Variants in IFT81 observed in about 807,000 individuals in gnomAD.
The protein encoded by IFT81 is intraflagellar transport 81.
Under a neutral mutation model 102.6 loss-of-function variants are expected in IFT81, and 72 were observed. The ratio of observed to expected loss-of-function variants is 0.70; its 90% CI spans 0.58 to 0.85. The LOEUF (loss-of-function observed/expected upper bound fraction) is 0.85, where lower values mean the gene tolerates loss of function less well. Ranked by LOEUF, IFT81 falls within the 40% of genes least tolerant of loss-of-function variation. IFT81 has a pLI of 0.00. For synonymous variants in IFT81, 237 were observed against 242.7 expected, an observed-to-expected ratio of 0.98 and a Z score of 0.22; for missense variants, 723 against 787.3, an observed-to-expected ratio of 0.92 and a Z score of 0.98.
At chr12:110,207,549 C>T (rs2137594200) in intron 17 of IFT81, among the ~76,000 whole-genome samples, 1 of 148,692 alleles carries the variant, frequency 6.7e-6, no homozygotes, top group East Asian at 2.0e-4. Context: ...ACCCCTCGTC[C>T]TTCAGTCTTT....
intron 9 of IFT81, among the ~76,000 whole-genome samples, chr12:110,146,662 CTTAATG>C (rs1477209161): frequency 6.6e-6 from 1 of 152,106 alleles, no homozygotes; most frequent in Non-Finnish European, 1.5e-5. Context: ...CCATCAGAGA[CTTAATG>C]TTAAGAACTG....
intron 18 of IFT81, among the ~76,000 whole-genome samples, chr12:110,212,242 TAA>T (rs11286720): frequency 2.0e-3 from 275 of 139,702 alleles, no homozygotes; most frequent in African/African-American, 2.9e-3. Context: ...TTCCTTACTT[TAA>T]AAAAAAAAAA....
intron 1 of IFT81, among the ~76,000 whole-genome samples, chr12:110,125,246 C>T (rs1359745491): frequency 6.6e-6 from 1 of 152,004 alleles, no homozygotes; most frequent in Non-Finnish European, 1.5e-5. Context: ...AAAAAACTTA[C>T]GTAAAGGTTT....
intron 18 of IFT81, chr12:110,216,779 A>G (rs997349630): frequency 6.2e-5 from 22 of 356,888 alleles, no homozygotes; most frequent in Non-Finnish European, 1.0e-4. Context: ...GCCCACCTAT[A>G]TAGCATGAGT....
At chr12:110,166,063 C>CGTAA (rs1566135825) in intron 11 of IFT81, among the ~76,000 whole-genome samples, 1 of 152,130 alleles carries the variant, frequency 6.6e-6, no homozygotes, top group Non-Finnish European at 1.5e-5. Flanking sequence ...AGTTCCTTAC[C>CGTAA]CTCTTTATAC....
chr12:110,204,091 C>T lies in IFT81; in HGVS notation c.1644+141C>T, dbSNP rs143349970. On this transcript the variant is annotated intron_variant, in intron 15 of 18. Transcript: ENST00000242591. The stretch of plus-strand genomic sequence containing the variant: ...GCTACAGTGAGCTATGATCACACCA[C>T]TGCATTCTAGCCTGGGCCACAGAGC... The T allele has an allele frequency of 7.8e-3, 4,680 of 599,122 alleles. 20 individuals carry two copies. Among genetic ancestry groups the T allele is most frequent in the Non-Finnish European group, 9.4e-3 (3,149 of 336,100 alleles). 37.1% of individuals were successfully genotyped at this position (599,122 alleles called of 1,614,324 possible).
At chr12:110,173,069 G>T (rs1199394549) in intron 11 of IFT81, among the ~76,000 whole-genome samples, 29 of 147,298 alleles carry the variant, frequency 2.0e-4, no homozygotes, top group Non-Finnish European at 4.5e-5. Flanking sequence ...CTACTGGGAA[G>T]TGAGGAGCCC....
At chr12:110,173,116 G>A (rs1354279509) in intron 11 of IFT81, among the ~76,000 whole-genome samples, 1 of 141,358 alleles carries the variant, frequency 7.1e-6, no homozygotes, top group Non-Finnish European at 1.5e-5. Context: ...GGAGGGAGGT[G>A]GGGGGGTCAG....
chr12:110,218,627 T>C lies in IFT81; in HGVS notation c.*401T>C, dbSNP rs1870441325. On this transcript the variant is annotated 3_prime_UTR_variant, in exon 19 of 19. Coordinates refer to ENST00000242591, the MANE Select transcript of IFT81 (RefSeq NM_014055.4). ...TTTTAGGAACTAATATCTCTTGTTC[T>C]GAAGAAACATTTATCTGACGTTCAG... 6.5e-6 allele frequency: 1 copy of C among 153,704 alleles called. No homozygotes were observed. Among genetic ancestry groups the C allele is most frequent in the South Asian group, 2.1e-4 (1 of 4,850 alleles). 9.5% of individuals were successfully genotyped at this position (153,704 alleles called of 1,614,324 possible). A position where few individuals can be genotyped will look rare whatever the true frequency, so the allele number is the denominator to read the frequency against.
chr12:110,174,930 G>T (rs571565500), intron 11 of IFT81, among the ~76,000 whole-genome samples: 1 of 152,268 alleles, frequency 6.6e-6, no homozygotes, highest in African/African-American at 2.4e-5. Flanking sequence ...ATAAAGATTA[G>T]AGTTTCACAC....
At chr12:110,189,767 T>C (rs1488516394) in intron 12 of IFT81, among the ~76,000 whole-genome samples, 4 of 152,196 alleles carry the variant, frequency 2.6e-5, no homozygotes, top group African/African-American at 9.7e-5. Flanking sequence ...CTTAAACTAG[T>C]CTTCCCCATT....
At chr12:110,185,901 T>C (rs1158748631) in intron 12 of IFT81, among the ~76,000 whole-genome samples, 1 of 152,096 alleles carries the variant, frequency 6.6e-6, no homozygotes, top group Non-Finnish European at 1.5e-5. Flanking sequence ...TGCTGGGGCC[T>C]AGATAGATTT....
intron 15 of IFT81, 93 bp from the exon 16 acceptor site, chr12:110,205,350 G>C: frequency 1.5e-6 from 2 of 1,350,156 alleles, no homozygotes; most frequent in Middle Eastern, 4.9e-4. Flanking sequence ...AAATGACTCT[G>C]ATGGTAGTCC....
intron 11 of IFT81, chr12:110,171,834 C>T (rs370244622): frequency 5.9e-5 from 9 of 152,288 alleles, no homozygotes; most frequent in African/African-American, 1.9e-4. Flanking sequence ...GCACAAGACA[C>T]TGACAAATGA....
chr12:110,146,923 CTTTT>C (rs565068506), intron 9 of IFT81, 26 bp from the exon 10 acceptor site: 1 of 1,200,704 alleles, frequency 8.3e-7, no homozygotes. Context: ...AAAGTTTTAA[CTTTT>C]TTTTTTTGCT....
chr12:110,155,366 A>G (rs939576159), intron 10 of IFT81, among the ~76,000 whole-genome samples: 1 of 152,074 alleles, frequency 6.6e-6, no homozygotes, highest in Non-Finnish European at 1.5e-5. Flanking sequence ...GCTGGAGTAC[A>G]ATGGCGCGAT....
In IFT81 at chr12:110,132,555, G is replaced by A. The variant is rs772955773; in HGVS notation, c.438G>A (p.Glu146=). 6.8e-7 allele frequency: 1 copy of A among 1,465,120 alleles called. No homozygotes were observed. Among genetic ancestry groups the A allele is most frequent in the East Asian group, 2.3e-5 (1 of 43,506 alleles). The allele number at this position is 1,465,120 out of a possible 1,614,324, so 90.8% of individuals were successfully genotyped here. Reference sequence around the variant, plus strand: ...TTAACTTATTCTTCTAGTATGAAGAGTTAATGGAAGCCTTTAAAACTTTGC... The same window carrying A: ...TTAACTTATTCTTCTAGTATGAAGAATTAATGGAAGCCTTTAAAACTTTGC... ...TVADTNKQYE[E]LMEAFKTLHK... is the part of the protein sequence containing the mutation. The change falls in exon 5 of 19, where the codon GAG becomes GAA. Residue 146 remains glutamate, a synonymous_variant. Transcript: ENST00000242591.
At chr12:110,152,081 T>A (rs1012260942) in intron 10 of IFT81, among the ~76,000 whole-genome samples, 1 of 152,232 alleles carries the variant, frequency 6.6e-6, no homozygotes, top group African/African-American at 2.4e-5. Context: ...TGATTCCATA[T>A]GTTGACCATT....
Position 110,124,724 on chromosome 12 carries a change from C to G in IFT81, c.-159C>G, listed in dbSNP as rs543737163. 1.3e-5 allele frequency: 2 copies of G among 152,440 alleles called. No individual in the cohort carries two copies. The highest frequency in any genetic ancestry group is 4.8e-5 in the African/African-American group (2 of 41,596). 9.4% of individuals were successfully genotyped at this position (152,440 alleles called of 1,614,324 possible). On this transcript the variant is annotated 5_prime_UTR_variant, in exon 1 of 19. Coordinates refer to ENST00000242591, the MANE Select transcript of IFT81 (RefSeq NM_014055.4). Reference sequence around the variant, plus strand: ...GAGCCCGGGGAGGGGGACACTATTTCTGGTACTCCCAGGAGGCTGCGGGTC... The same window carrying G: ...GAGCCCGGGGAGGGGGACACTATTTGTGGTACTCCCAGGAGGCTGCGGGTC...
Sources: allele counts gnomAD v4.1 joint callset (sites outside exome capture counted in the v4.1 genomes callset), GRCh38; gene constraint gnomAD v4.1.1; transcripts MANE v1.5; gene names NCBI Gene and HGNC (gene_info 2026-07-23, HGNC 2026-07-21).